MRM1: variants seen among roughly 807,000 people sequenced by gnomAD.
MRM1 encodes the protein rRNA methyltransferase 1, mitochondrial.
A neutral mutation model predicts 25.0 loss-of-function variants in MRM1; 24 were observed. The observed-to-expected ratio is 0.96, with a 90% CI of 0.69 to 1.35. The LOEUF (loss-of-function observed/expected upper bound fraction) is 1.35, where lower values mean the gene tolerates loss of function less well. Ranked by LOEUF, MRM1 falls within the 40% of genes most tolerant of loss-of-function variation. The pLI is 0.00. For missense variants in MRM1, 431 were observed against 464.1 expected, an observed-to-expected ratio of 0.93 and a Z score of 0.65; for synonymous variants, 188 against 199.2, an observed-to-expected ratio of 0.94 and a Z score of 0.47.
intron 2 of MRM1, among the ~76,000 whole-genome samples, chr17:36,603,765 C>G (rs1047320333): frequency 6.6e-6 from 1 of 152,192 alleles, no homozygotes; most frequent in African/African-American, 2.4e-5. Flanking sequence ...CAACACACCT[C>G]GATTTGAATT....
At position 36,601,888 on chromosome 17, in the gene MRM1, T is replaced by C. The variant is rs2142829597; in HGVS notation, c.78T>C (p.His26=). 1 of 1,610,294 alleles carries C rather than the reference T, an allele frequency of 6.2e-7. No homozygotes were observed. Among genetic ancestry groups the C allele is most frequent in the African/African-American group, 1.3e-5 (1 of 74,988 alleles). The change falls in exon 1 of 5, where the codon CAT becomes CAC. Residue 26 remains histidine (H), a synonymous_variant. Transcript: ENST00000614766. ...GTCATTTCTCCCATGCAGCGCGGCATGGGGAGCGGCCTGGTGGGGAGGAGC... is the reference window on the plus strand; with the variant it reads ...GTCATTTCTCCCATGCAGCGCGGCACGGGGAGCGGCCTGGTGGGGAGGAGC... ...VTRHFSHAAR[H]GERPGGEELS... is the part of the protein sequence containing the mutation.
chr17:36,616,675 C>G, the MRM1 span, among the ~76,000 whole-genome samples: 1 of 152,170 alleles, frequency 6.6e-6, no homozygotes, highest in African/African-American at 2.4e-5. Flanking sequence ...ATTTGTTATG[C>G]ACTTACCATG....
At chr17:36,604,966 C>G (rs2074915218) in intron 2 of MRM1, among the ~76,000 whole-genome samples, 2 of 151,586 alleles carry the variant, frequency 1.3e-5, no homozygotes, top group South Asian at 4.2e-4. Flanking sequence ...ATGGTGAAAC[C>G]CTGTCTCTAC....
intron 2 of MRM1, among the ~76,000 whole-genome samples, chr17:36,607,163 C>T (rs2074937378): frequency 6.6e-6 from 1 of 152,054 alleles, no homozygotes; most frequent in Non-Finnish European, 1.5e-5. Flanking sequence ...ATCCCCCTGC[C>T]TTGGCCTCCC....
chr17:36,607,588 A>T (rs1397568624), intron 2 of MRM1, 82 bp from the exon 3 acceptor site: 2 of 1,493,896 alleles, frequency 1.3e-6, no homozygotes, highest in Non-Finnish European at 1.8e-6. Flanking sequence ...GTGCCACTGC[A>T]CTCCAGCCTG....
At chr17:36,627,322 G>A in the MRM1 span, among the ~76,000 whole-genome samples, 4 of 152,224 alleles carry the variant, frequency 2.6e-5, no homozygotes, top group African/African-American at 4.8e-5. Context: ...TGGCCCAGCC[G>A]CCTGCAGGGC....
chr17:36,603,231 C>G, intron 2 of MRM1: 1 of 984,456 alleles, frequency 1.0e-6, no homozygotes, highest in Non-Finnish European at 1.2e-6. Flanking sequence ...GGGGAGAGCT[C>G]TGGGACCTGT....
At chr17:36,607,547 C>A (rs978133742) in intron 2 of MRM1, 123 bp from the exon 3 acceptor site, 13 of 1,195,632 alleles carry the variant, frequency 1.1e-5, no homozygotes, top group Non-Finnish European at 1.5e-5. Flanking sequence ...CACCAGAACC[C>A]AGGCGGTTGA....
chr17:36,622,796 TGGG>T, the MRM1 span, among the ~76,000 whole-genome samples: 1 of 152,172 alleles, frequency 6.6e-6, no homozygotes, highest in African/African-American at 2.4e-5. Context: ...CATGTCTGCC[TGGG>T]TCATGCTCCT....
chr17:36,621,894 T>C, the MRM1 span, among the ~76,000 whole-genome samples: 177 of 152,250 alleles, frequency 1.2e-3, 2 homozygotes, highest in East Asian at 0.017. Context: ...GTGTGTTGCA[T>C]TGTGTATCTG....
the MRM1 span, among the ~76,000 whole-genome samples, chr17:36,625,586 C>T: frequency 5.9e-5 from 9 of 151,378 alleles, no homozygotes; most frequent in South Asian, 1.5e-3. Context: ...CTCAGCCTCC[C>T]GAGTAGCTGG....
chr17:36,631,174 G>C, the MRM1 span, among the ~76,000 whole-genome samples: 1 of 152,246 alleles, frequency 6.6e-6, no homozygotes, highest in Non-Finnish European at 1.5e-5. Flanking sequence ...TCTGGAGACT[G>C]TGACCTTGAG....
At chr17:36,615,492 C>T in the MRM1 span, among the ~76,000 whole-genome samples, 1 of 151,964 alleles carries the variant, frequency 6.6e-6, no homozygotes, top group Non-Finnish European at 1.5e-5. Flanking sequence ...AACCCCATCT[C>T]TACTATAAAT....
intron 2 of MRM1, among the ~76,000 whole-genome samples, chr17:36,607,150 G>A (rs1442468839): frequency 6.6e-6 from 1 of 151,900 alleles, no homozygotes; most frequent in Non-Finnish European, 1.5e-5. Flanking sequence ...CCAACCTCAG[G>A]TGATCCCCCT....
chr17:36,630,153 A>G, the MRM1 span, among the ~76,000 whole-genome samples: 5 of 152,178 alleles, frequency 3.3e-5, no homozygotes, highest in African/African-American at 4.8e-5. Flanking sequence ...CACCAAATGC[A>G]GGGCATCCCT....
the MRM1 span, among the ~76,000 whole-genome samples, chr17:36,616,639 G>A: frequency 3.3e-5 from 5 of 152,208 alleles, no homozygotes; most frequent in Non-Finnish European, 7.3e-5. Context: ...GAGGAGGAGT[G>A]ATGTGGTGAT....
chr17:36,629,627 C>T, the MRM1 span, among the ~76,000 whole-genome samples: 1 of 152,190 alleles, frequency 6.6e-6, no homozygotes, highest in African/African-American at 2.4e-5. Context: ...AGGAACTCTG[C>T]TCCTCCACCC....
chr17:36,619,376 C>G, the MRM1 span, among the ~76,000 whole-genome samples: 1 of 152,134 alleles, frequency 6.6e-6, no homozygotes, highest in Admixed American at 6.5e-5. Context: ...CGCTTCAAGA[C>G]CCTGCCTTGG....
chr17:36,605,343 C>CTTTTCTTTTTCT (rs71368416), intron 2 of MRM1, among the ~76,000 whole-genome samples: 1 of 144,800 alleles, frequency 6.9e-6, no homozygotes, highest in African/African-American at 2.5e-5. Flanking sequence ...TTTTCTTTTT[C>CTTTTCTTTTTCT]TTTTTTTTTT....
Sources: allele counts gnomAD v4.1 joint callset (sites outside exome capture counted in the v4.1 genomes callset), GRCh38; gene constraint gnomAD v4.1.1; transcripts MANE v1.5; gene names NCBI Gene and HGNC (gene_info 2026-07-23, HGNC 2026-07-21).